The following GTF2IRD2B variants were observed in gnomAD, a reference collection of about 807,000 sequenced individuals.
The protein encoded by GTF2IRD2B is GTF2I repeat domain containing 2B.
Under a neutral mutation model 55.6 loss-of-function variants are expected in GTF2IRD2B, and 10 were observed. The ratio of observed to expected loss-of-function variants is 0.18; its 90% CI spans 0.11 to 0.31. The LOEUF is 0.31. Ranked by LOEUF, GTF2IRD2B falls within the 10% of genes least tolerant of loss-of-function variation. GTF2IRD2B has a pLI of 1.00. For missense variants in GTF2IRD2B, 206 were observed against 802.7 expected (o/e 0.26, Z 8.98); for synonymous variants, 107 against 320.5 (o/e 0.33, Z 7.12).
chr7:75,092,875 C>CA (rs1443969575), intron 1 of GTF2IRD2B, 110 bp downstream of exon 1: 1 of 152,622 alleles, frequency 6.6e-6, no homozygotes, highest in African/African-American at 2.4e-5. Context: ...CGCCCGGCCG[C>CA]AGCGGGAGGT....
intron 1 of GTF2IRD2B, among the ~76,000 whole-genome samples, chr7:75,096,662 G>T (rs1182747571): frequency 6.9e-5 from 10 of 144,662 alleles, no homozygotes; most frequent in Non-Finnish European, 1.4e-4. Context: ...CTGACCTCAG[G>T]TGATCCACCT....
intron 8 of GTF2IRD2B, among the ~76,000 whole-genome samples, chr7:75,130,097 CTTTCT>C (rs1808618840): frequency 1.0e-5 from 1 of 96,056 alleles, no homozygotes; most frequent in African/African-American, 3.7e-5. Flanking sequence ...TTTTCTCTTT[CTTTCT>C]TTCTTTCTTT....
intron 3 of GTF2IRD2B, among the ~76,000 whole-genome samples, chr7:75,113,983 AAG>A (rs1194220501): frequency 2.0e-5 from 3 of 149,408 alleles, no homozygotes; most frequent in Non-Finnish European, 3.0e-5. Context: ...GATGATAGAT[AAG>A]AGAGAGGAAT....
intron 1 of GTF2IRD2B, among the ~76,000 whole-genome samples, chr7:75,105,905 G>C (rs1185964002): frequency 1.3e-5 from 2 of 152,304 alleles, no homozygotes; most frequent in African/African-American, 2.4e-5. Context: ...TGCTGTGGTG[G>C]TTCCATATGG....
Position 75,143,801 on chromosome 7 carries a change from GTC to G in GTF2IRD2B, c.1218-146_1218-145del, listed in dbSNP as rs1372057873. The G allele has an allele frequency of 8.4e-5, 45 of 532,712 alleles. 2 individuals carry two copies. In the African/African-American group the frequency reaches 8.6e-4, roughly 10 times the overall value. The allele number at this position is 532,712 out of a possible 1,614,324, so 33.0% of individuals were successfully genotyped here. A position where few individuals can be genotyped will look rare whatever the true frequency, so the allele number is the denominator to read the frequency against. On this transcript the variant is annotated intron_variant, in intron 14 of 15. Coordinates refer to ENST00000472837, the MANE Select transcript of GTF2IRD2B (RefSeq NM_001003795.3). ...GCCTGGGTGACGCGGCGAGACTCTT[GTC>G]TCAAAAAAAACAAAAACAAAACAAA...
rs587646433 is a variant in GTF2IRD2B, at chr7:75,115,171, A to G, written c.238+2636A>G. Reference sequence around the variant, plus strand: ...AGTCTGGTCATAAATTCCTGGGCTCAAGTGATCCTCCTGTCTTGGCCTCCC... The same window carrying G: ...AGTCTGGTCATAAATTCCTGGGCTCGAGTGATCCTCCTGTCTTGGCCTCCC... On this transcript the variant is annotated intron_variant, in intron 3 of 15. Transcript: ENST00000472837. Among the ~76,000 whole-genome samples the G allele has an allele frequency of 8.5e-5, 12 of 141,076 alleles. No homozygotes were observed. In the East Asian group the frequency reaches 2.4e-3, roughly 29 times the overall value. 92.6% of individuals were successfully genotyped at this position (141,076 alleles called of 152,430 possible).
At chr7:75,119,790 A>G (rs1169348544) in intron 3 of GTF2IRD2B, among the ~76,000 whole-genome samples, 2 of 97,984 alleles carry the variant, frequency 2.0e-5, no homozygotes, top group African/African-American at 4.8e-5. Context: ...TGATGAGTAC[A>G]CTAAAACCCC....
intron 1 of GTF2IRD2B, among the ~76,000 whole-genome samples, chr7:75,103,644 A>G: frequency 1.3e-5 from 2 of 151,790 alleles, no homozygotes; most frequent in Non-Finnish European, 2.9e-5. Flanking sequence ...ACCCATTTCC[A>G]GAGAGCAGGA....
In GTF2IRD2B at chr7:75,112,652, A is replaced by G. The variant is rs1372999270; in HGVS notation, c.238+117A>G. 4.6e-5 allele frequency: 73 copies of G among 1,572,256 alleles called. 3 individuals are homozygous for G. Among genetic ancestry groups the G allele is most frequent in the Non-Finnish European group, 6.2e-5 (71 of 1,152,840 alleles). The stretch of plus-strand genomic sequence containing the variant: ...ATTCTCCTAGAAACGATCCTAACAC[A>G]TCTTCTTGGATTCAGCTTACCAAAT... On this transcript the variant is annotated intron_variant, in intron 3 of 15. Transcript: ENST00000472837.
intron 10 of GTF2IRD2B, among the ~76,000 whole-genome samples, chr7:75,136,090 G>A (rs1242939862): frequency 7.7e-5 from 8 of 104,002 alleles, no homozygotes; most frequent in Middle Eastern, 4.9e-3. Context: ...GCAGTGAGCC[G>A]AAATCGCACC....
intron 3 of GTF2IRD2B, among the ~76,000 whole-genome samples, chr7:75,117,736 T>C (rs1409938309): frequency 2.0e-5 from 3 of 152,272 alleles, no homozygotes; most frequent in Non-Finnish European, 1.5e-5. Context: ...ACAAAATACA[T>C]ATATATATAC....
intron 8 of GTF2IRD2B, among the ~76,000 whole-genome samples, chr7:75,130,465 C>T (rs587743187): frequency 4.3e-3 from 604 of 139,730 alleles, no homozygotes; most frequent in Middle Eastern, 0.04. Flanking sequence ...AGACATGAGC[C>T]ACCGCACCAG....
intron 1 of GTF2IRD2B, among the ~76,000 whole-genome samples, chr7:75,104,617 G>A (rs1185121345): frequency 2.0e-5 from 3 of 152,394 alleles, no homozygotes; most frequent in Admixed American, 1.3e-4. Flanking sequence ...TAAAGATTAC[G>A]AATGGAAATT....
In GTF2IRD2B at chr7:75,149,536, A is replaced by G. The variant is rs1224308213; in HGVS notation, c.*239A>G. 9.9e-6 allele frequency: 5 copies of G among 506,282 alleles called. No individual in the cohort carries two copies. The highest frequency in any genetic ancestry group is 5.4e-4 in the Middle Eastern group (1 of 1,848). The allele number at this position is 506,282 out of a possible 1,614,324, so 31.4% of individuals were successfully genotyped here. On this transcript the variant is annotated 3_prime_UTR_variant, in exon 16 of 16. Transcript: ENST00000472837. The stretch of plus-strand genomic sequence containing the variant: ...GCTGGGACTACAGGCATGCGCCACC[A>G]TGCCCGGCTAATTTTTGTATTAGTA...
chr7:75,132,897 TA>T (rs1265685326), intron 8 of GTF2IRD2B, among the ~76,000 whole-genome samples: 1 of 146,138 alleles, frequency 6.8e-6, no homozygotes, highest in African/African-American at 2.8e-5. Context: ...CAATTGATAT[TA>T]TTTTTATATA....
intron 2 of GTF2IRD2B, among the ~76,000 whole-genome samples, chr7:75,109,371 C>T (rs1263744994): frequency 6.8e-6 from 1 of 147,062 alleles, no homozygotes; most frequent in Non-Finnish European, 1.5e-5. Context: ...CAGAGTCTTG[C>T]TCTGCTGCCC....
intron 8 of GTF2IRD2B, among the ~76,000 whole-genome samples, chr7:75,130,516 C>T (rs1554535308): frequency 1.9e-4 from 28 of 151,320 alleles, no homozygotes; most frequent in Non-Finnish European, 3.2e-4. Context: ...GTCTCGCTGT[C>T]GCCCAGACTG....
chr7:75,149,529 C>A lies in GTF2IRD2B; in HGVS notation c.*232C>A, dbSNP rs587677937. 3 of 526,284 alleles carry A rather than the reference C, an allele frequency of 5.7e-6. No homozygotes were observed. Among genetic ancestry groups the A allele is most frequent in the African/African-American group, 1.9e-5 (1 of 52,008 alleles). The allele number at this position is 526,284 out of a possible 1,614,324, so 32.6% of individuals were successfully genotyped here. A position where few individuals can be genotyped will look rare whatever the true frequency, so the allele number is the denominator to read the frequency against. ...CCGAGCAGCTGGGACTACAGGCATG[C>A]GCCACCATGCCCGGCTAATTTTTGT... On this transcript the variant is annotated 3_prime_UTR_variant, in exon 16 of 16. Transcript: ENST00000472837.
chr7:75,148,159 A>G lies in GTF2IRD2B; in HGVS notation c.1712A>G (p.Asp571Gly), dbSNP rs782065809. The change falls in exon 16 of 16, where the codon GAT becomes GGT. Residue 571 changes from aspartate to glycine, a missense_variant. Transcript: ENST00000472837. ...TQLAIFIRGV[D>G]ENFDVSEELL... ...TTGGCCATATTCATCCGTGGTGTCGATGAGAATTTCGATGTGTCCGAAGAA... is the reference window on the plus strand; with the variant it reads ...TTGGCCATATTCATCCGTGGTGTCGGTGAGAATTTCGATGTGTCCGAAGAA... 2.5e-6 allele frequency: 4 copies of G among 1,613,626 alleles called. No homozygotes were observed. The South Asian group carries it at 4.4e-5, about 18-fold the overall frequency.
Sources: gnomAD v4.1 joint callset for allele counts (sites outside exome capture counted in the v4.1 genomes callset) on GRCh38, gnomAD v4.1.1 for gene constraint, MANE v1.5 for transcripts, NCBI Gene and HGNC (gene_info 2026-07-23, HGNC 2026-07-21) for gene names.